Variants in ULK2 observed in about 807,000 individuals in gnomAD.
ULK2 encodes serine/threonine-protein kinase ULK2.
A neutral mutation model predicts 127.5 loss-of-function variants in ULK2; 76 were observed. That is an observed-to-expected ratio of 0.60 (90% confidence interval 0.50 to 0.72). ULK2 has a LOEUF of 0.72. Among genes scored for constraint, ULK2 ranks in the 30% least tolerant of loss-of-function variants. ULK2 has a pLI of 0.00. For missense variants in ULK2, 1,144 were observed against 1,295.9 expected, an observed-to-expected ratio of 0.88 and a Z score of 1.80; for synonymous variants, 452 against 461.9, an observed-to-expected ratio of 0.98 and a Z score of 0.28.
chr17:19,841,800 T>C (rs1383145672), intron 8 of ULK2, among the ~76,000 whole-genome samples: 1 of 152,112 alleles, frequency 6.6e-6, no homozygotes, highest in Non-Finnish European at 1.5e-5. Context: ...AACTGGTCAT[T>C]AGGAACTCAT....
At chr17:19,831,947 G>A (rs966569469) in intron 10 of ULK2, among the ~76,000 whole-genome samples, 2 of 152,108 alleles carry the variant, frequency 1.3e-5, no homozygotes, top group Admixed American at 6.6e-5. Flanking sequence ...CCAACATGAT[G>A]AAACCCTGTC....
At chr17:19,797,722 A>C in intron 17 of ULK2, 40 bp from the exon 18 acceptor site, 1 of 1,418,952 alleles carries the variant, frequency 7.0e-7, no homozygotes, top group South Asian at 1.7e-5. Flanking sequence ...TGAAGTGAAG[A>C]AGTGCAGTGC....
At chr17:19,841,431 T>C (rs1196167738) in intron 9 of ULK2, 58 bp downstream of exon 9, 1 of 1,456,090 alleles carries the variant, frequency 6.9e-7, no homozygotes, top group Non-Finnish European at 9.3e-7. Context: ...CACAAACAGT[T>C]CAAATAAACA....
chr17:19,788,427 C>T (rs2087081696), intron 20 of ULK2, among the ~76,000 whole-genome samples: 1 of 151,908 alleles, frequency 6.6e-6, no homozygotes, highest in South Asian at 2.1e-4. Flanking sequence ...CCATCCCAGG[C>T]CCTAGTTCCT....
At chr17:19,815,122 TA>T (rs1355599782) in intron 13 of ULK2, among the ~76,000 whole-genome samples, 1 of 152,134 alleles carries the variant, frequency 6.6e-6, no homozygotes, top group East Asian at 1.9e-4. Flanking sequence ...CCTGTAACTA[TA>T]AAAACACAAA....
chr17:19,837,741 A>C (rs1028289641), intron 10 of ULK2, among the ~76,000 whole-genome samples: 3 of 152,150 alleles, frequency 2.0e-5, no homozygotes, highest in Non-Finnish European at 2.9e-5. Flanking sequence ...CTACCACCAG[A>C]AAGATTTCTT....
intron 15 of ULK2, among the ~76,000 whole-genome samples, chr17:19,804,020 C>T (rs186863116): frequency 1.3e-5 from 2 of 152,238 alleles, no homozygotes; most frequent in East Asian, 3.9e-4. Flanking sequence ...AAATCAAGTA[C>T]CATTCTTCTA....
intron 14 of ULK2, among the ~76,000 whole-genome samples, chr17:19,809,732 CA>C (rs369486144): frequency 0.038 from 3,410 of 90,252 alleles, 77 homozygotes; most frequent in African/African-American, 0.15. Flanking sequence ...GACTCCGTCT[CA>C]AAAAAAAAAA....
chr17:19,843,027 ACTG>A lies in ULK2; in HGVS notation c.645+91_645+93del, dbSNP rs2041801782. On this transcript the variant is annotated intron_variant, in intron 8 of 26. Coordinates refer to ENST00000395544, the MANE Select transcript of ULK2 (RefSeq NM_014683.4). ...AGTAACTCACAGAGGAGCCAAAAACACTGCTTTCAAAGTATTCTTCATTTTACA... is the reference window on the plus strand; with the variant it reads ...AGTAACTCACAGAGGAGCCAAAAACACTTTCAAAGTATTCTTCATTTTACA... 4.1e-5 allele frequency: 44 copies of A among 1,084,082 alleles called. No homozygotes were observed. In the South Asian group the frequency reaches 5.4e-4, roughly 13 times the overall value. 67.2% of individuals were successfully genotyped at this position (1,084,082 alleles called of 1,614,324 possible).
At position 19,782,057 on chromosome 17, in the gene ULK2, G is replaced by C; in HGVS notation, c.2471C>G (p.Thr824Arg). The change falls in exon 23 of 27, where the codon ACA becomes AGA. Residue 824 changes from threonine to arginine, a missense_variant. By Grantham distance (71) the Thr-to-Arg change is moderately conservative. Around this residue, in one of 2 missense-constraint regions of ULK2, gnomAD observed 913 missense variants for 970.5 expected, o/e 0.94. Coordinates refer to ENST00000395544, the MANE Select transcript of ULK2 (RefSeq NM_014683.4). ...PEETLMEREH[T>R]DTLRHLNVML... ...CACATTCAGATGGCGTAAGGTGTCT[G>C]TGTGTTCCCGCTGCAGCAAAGTCAA... is the stretch of plus-strand genomic sequence containing the variant. 1 of 1,613,528 alleles carries C rather than the reference G, an allele frequency of 6.2e-7. No homozygotes were observed. Among genetic ancestry groups the C allele is most frequent in the Non-Finnish European group, 8.5e-7 (1 of 1,179,824 alleles).
chr17:19,861,736 A>G (rs1040595890), intron 3 of ULK2, among the ~76,000 whole-genome samples: 1 of 152,232 alleles, frequency 6.6e-6, no homozygotes, highest in African/African-American at 2.4e-5. Flanking sequence ...CTACACAAAC[A>G]GCAGTGAGGA....
intron 18 of ULK2, 69 bp from the exon 19 acceptor site, chr17:19,796,351 C>A (rs1037319845): frequency 7.3e-7 from 1 of 1,375,562 alleles, no homozygotes; most frequent in Non-Finnish European, 9.6e-7. Context: ...TCAGTACTGG[C>A]AGGTTTGTGT....
At chr17:19,794,651 T>C (rs2087225705) in intron 20 of ULK2, among the ~76,000 whole-genome samples, 1 of 151,812 alleles carries the variant, frequency 6.6e-6, no homozygotes, top group Non-Finnish European at 1.5e-5. Flanking sequence ...TCTCTTTGGA[T>C]TAGAAAGAAA....
chr17:19,856,980 A>AT (rs1382585035), intron 3 of ULK2, among the ~76,000 whole-genome samples: 1 of 136,728 alleles, frequency 7.3e-6, no homozygotes, highest in Non-Finnish European at 1.5e-5. Context: ...CCATCTCCAA[A>AT]AAAAAAAAAA....
chr17:19,862,509 A>G (rs2042264812), intron 3 of ULK2, among the ~76,000 whole-genome samples: 1 of 151,818 alleles, frequency 6.6e-6, no homozygotes, highest in Non-Finnish European at 1.5e-5. Context: ...TCGTTACCCC[A>G]GGCTGGAGTG....
intron 10 of ULK2, among the ~76,000 whole-genome samples, chr17:19,827,271 A>C (rs1260558940): frequency 6.6e-6 from 1 of 152,208 alleles, no homozygotes; most frequent in Non-Finnish European, 1.5e-5. Flanking sequence ...TATCTGAGGA[A>C]GTATGTCCTC....
chr17:19,786,294 A>G (rs563912414), intron 20 of ULK2, among the ~76,000 whole-genome samples: 1 of 152,250 alleles, frequency 6.6e-6, no homozygotes, highest in East Asian at 1.9e-4. Flanking sequence ...CTCAAGTGTG[A>G]ATCTTCTTCA....
At chr17:19,797,291 T>G (rs1186020895) in intron 18 of ULK2, 105 bp downstream of exon 18, 3 of 1,283,210 alleles carry the variant, frequency 2.3e-6, no homozygotes, top group Admixed American at 6.0e-5. Flanking sequence ...AGCAAGACTC[T>G]GTCTCAAAAA....
At chr17:19,819,009 C>T (rs2041070475) in intron 12 of ULK2, among the ~76,000 whole-genome samples, 1 of 151,988 alleles carries the variant, frequency 6.6e-6, no homozygotes, top group African/African-American at 2.4e-5. Context: ...CCATCTTGGC[C>T]AGGCTGGCCT....
Sources: gnomAD v4.1 joint callset for allele counts (sites outside exome capture counted in the v4.1 genomes callset) on GRCh38, gnomAD v4.1.1 for gene constraint, gnomAD v4.1.1 regional missense constraint, MANE v1.5 for transcripts, NCBI Gene and HGNC (gene_info 2026-07-23, HGNC 2026-07-21) for gene names.